Variants in SMYD3 observed in about 807,000 individuals in gnomAD.
SMYD3 encodes SET and MYND domain containing 3, also known as histone-lysine N-methyltransferase SMYD3.
In SMYD3, 36 loss-of-function variants were observed where a neutral mutation model predicts 57.7. The observed-to-expected ratio is 0.62, with a 90% CI of 0.48 to 0.82. SMYD3 has a LOEUF of 0.82. Ranked by LOEUF, SMYD3 falls within the 40% of genes least tolerant of loss-of-function variation. The pLI, the probability that SMYD3 is intolerant of heterozygous loss-of-function variation, is 0.00. For synonymous variants in SMYD3, 211 were observed against 195.0 expected (o/e 1.08, Z -0.68); for missense variants, 515 against 538.8 (o/e 0.96, Z 0.44).
At chr1:246,501,242 T>G in intron 1 of SMYD3, among the ~76,000 whole-genome samples, 1 of 152,238 alleles carries the variant, frequency 6.6e-6, no homozygotes, top group East Asian at 1.9e-4. Context: ...AGTGCTTCCT[T>G]GTCTCCACTA....
At chr1:245,894,816 G>A (rs1161454536) in intron 8 of SMYD3, among the ~76,000 whole-genome samples, 1 of 152,194 alleles carries the variant, frequency 6.6e-6, no homozygotes, top group East Asian at 1.9e-4. Context: ...GGAGGCTTAT[G>A]AAGCCCCAAA....
intron 5 of SMYD3, among the ~76,000 whole-genome samples, chr1:246,135,843 A>C (rs1303027577): frequency 6.6e-6 from 1 of 152,192 alleles, no homozygotes; most frequent in Non-Finnish European, 1.5e-5. Flanking sequence ...TCAAACTCTA[A>C]TCTGGTCCAT....
At chr1:245,898,399 T>C (rs755456946) in intron 8 of SMYD3, among the ~76,000 whole-genome samples, 5 of 152,266 alleles carry the variant, frequency 3.3e-5, no homozygotes, top group Middle Eastern at 3.4e-3. Flanking sequence ...ATAAAGGAAA[T>C]TGGTATTTTG....
intron 5 of SMYD3, among the ~76,000 whole-genome samples, chr1:246,160,501 A>T (rs571622479): frequency 6.6e-6 from 1 of 152,328 alleles, no homozygotes; most frequent in Non-Finnish European, 1.5e-5. Flanking sequence ...GTGCTGAAAC[A>T]TTAATGAGCT....
At chr1:246,299,822 T>A (rs1358774170) in intron 5 of SMYD3, among the ~76,000 whole-genome samples, 1 of 151,372 alleles carries the variant, frequency 6.6e-6, no homozygotes, top group Non-Finnish European at 1.5e-5. Context: ...CAACAGACAC[T>A]GGGGCGCACT....
intron 5 of SMYD3, among the ~76,000 whole-genome samples, chr1:246,185,005 T>A (rs2062609857): frequency 6.6e-6 from 1 of 152,230 alleles, no homozygotes; most frequent in Non-Finnish European, 1.5e-5. Context: ...TTACATTTCC[T>A]AATGCAATGC....
In SMYD3 at chr1:245,916,925, A is replaced by G. The variant is rs145003498; in HGVS notation, c.703-1285T>C. Reference sequence around the variant, plus strand: ...TTGGTGCCAGTGCGCACTGTGGGTTACCAGTCCATGACGACATGAGTCAAG... The same window carrying G: ...TTGGTGCCAGTGCGCACTGTGGGTTGCCAGTCCATGACGACATGAGTCAAG... On this transcript the variant is annotated intron_variant, in intron 7 of 11. Coordinates refer to ENST00000490107, the MANE Select transcript of SMYD3 (RefSeq NM_001167740.2). Among the ~76,000 whole-genome samples, 115 of 152,262 alleles carry G rather than the reference A, an allele frequency of 7.6e-4. 1 individual carries two copies. Among genetic ancestry groups the G allele is most frequent in the African/African-American group, 2.6e-3 (109 of 41,542 alleles).
chr1:245,771,263 AAAG>A (rs557214340), intron 10 of SMYD3, among the ~76,000 whole-genome samples: 145 of 152,304 alleles, frequency 9.5e-4, no homozygotes, highest in Middle Eastern at 3.4e-3. Context: ...GCAAAGGGAA[AAAG>A]AAGAAGGATG....
chr1:246,334,773 A>G (rs1005885716), intron 3 of SMYD3, among the ~76,000 whole-genome samples: 19 of 152,228 alleles, frequency 1.2e-4, no homozygotes, highest in African/African-American at 4.6e-4. Flanking sequence ...TTATAAATTA[A>G]CTGATTAAAA....
At chr1:246,425,995 T>C (rs1264352119) in intron 1 of SMYD3, 16 of 152,050 alleles carry the variant, frequency 1.1e-4, no homozygotes, top group Non-Finnish European at 1.5e-5. Context: ...TTCGATTATA[T>C]CTCTTTTTTT....
Position 245,772,492 on chromosome 1 carries a change from G to GA in SMYD3, c.1077-8344dup, listed in dbSNP as rs201869684. On this transcript the variant is annotated intron_variant, in intron 10 of 11. Coordinates refer to ENST00000490107, the MANE Select transcript of SMYD3 (RefSeq NM_001167740.2). Reference sequence around the variant, plus strand: ...TAGTGAGATGCCATCTCTACAAAAGGAAAAAAAAACAATTTAACTAGTCAG... The same window carrying GA: ...TAGTGAGATGCCATCTCTACAAAAGGAAAAAAAAAACAATTTAACTAGTCAG... Among the ~76,000 whole-genome samples the GA allele has an allele frequency of 2.9e-3, 429 of 148,784 alleles. 3 individuals carry two copies. Among genetic ancestry groups the GA allele is most frequent in the Middle Eastern group, 0.017 (5 of 294 alleles).
chr1:246,425,547 C>G (rs1477321967), intron 1 of SMYD3, among the ~76,000 whole-genome samples: 1 of 152,172 alleles, frequency 6.6e-6, no homozygotes, highest in East Asian at 1.9e-4. Flanking sequence ...AGGCCAGAAA[C>G]CAGAGCTGGA....
chr1:246,480,507 C>T (rs2068086085), intron 1 of SMYD3, among the ~76,000 whole-genome samples: 1 of 152,094 alleles, frequency 6.6e-6, no homozygotes, highest in South Asian at 2.1e-4. Flanking sequence ...TTTCAAATAC[C>T]TTAGAAGGTT....
intron 5 of SMYD3, among the ~76,000 whole-genome samples, chr1:246,258,515 T>C (rs1302125079): frequency 6.6e-6 from 1 of 152,218 alleles, no homozygotes; most frequent in African/African-American, 2.4e-5. Context: ...GGTTGCAATT[T>C]CTTTTCTTTA....
intron 4 of SMYD3, among the ~76,000 whole-genome samples, chr1:246,329,565 G>T (rs984624411): frequency 7.9e-5 from 12 of 151,844 alleles, no homozygotes; most frequent in Non-Finnish European, 1.6e-4. Context: ...TAATTTGTTT[G>T]AGTTCATTGT....
intron 5 of SMYD3, chr1:245,988,300 T>C (rs1265003823): frequency 6.6e-6 from 1 of 152,222 alleles, no homozygotes; most frequent in Non-Finnish European, 1.5e-5. Flanking sequence ...CCATTTCCAG[T>C]TCTGATTCAG....
chr1:246,192,349 C>T (rs2062752206), intron 5 of SMYD3, among the ~76,000 whole-genome samples: 1 of 152,310 alleles, frequency 6.6e-6, no homozygotes, highest in South Asian at 2.1e-4. Flanking sequence ...AAAGGGGCTA[C>T]AGAACTCCTG....
At chr1:246,178,236 G>A (rs966799947) in intron 5 of SMYD3, among the ~76,000 whole-genome samples, 3 of 152,008 alleles carry the variant, frequency 2.0e-5, no homozygotes, top group Non-Finnish European at 2.9e-5. Context: ...GATCAGAGAC[G>A]GTCCTTCTGG....
chr1:246,444,731 C>T lies in SMYD3; in HGVS notation c.164+62323G>A, dbSNP rs78046242. Among the ~76,000 whole-genome samples, 904 of 152,216 alleles carry T rather than the reference C, an allele frequency of 5.9e-3. 3 individuals are homozygous for T. The highest frequency in any genetic ancestry group is 0.01 in the Non-Finnish European group (702 of 68,006). ...ATGAATCCCGAAGTGTATATATACA[C>T]CCACTTTAAAGACAACTAATCTAAA... On this transcript the variant is annotated intron_variant, in intron 1 of 11. Transcript: ENST00000490107.
Sources: gnomAD v4.1 joint callset for allele counts (sites outside exome capture counted in the v4.1 genomes callset) on GRCh38, gnomAD v4.1.1 for gene constraint, MANE v1.5 for transcripts, NCBI Gene and HGNC (gene_info 2026-07-23, HGNC 2026-07-21) for gene names.